The following CTNNA3 variants were observed in gnomAD, a reference collection of about 807,000 sequenced individuals.
CTNNA3 encodes the protein catenin alpha 3, also known as catenin alpha-3.
A neutral mutation model predicts 95.7 loss-of-function variants in CTNNA3; 76 were observed. That is an observed-to-expected ratio of 0.79 (90% confidence interval 0.66 to 0.96). The LOEUF is 0.96. Among genes scored for constraint, CTNNA3 ranks in the 40% least tolerant of loss-of-function variants. The pLI is 0.00. For missense variants in CTNNA3, 1,191 were observed against 1,089.8 expected (o/e 1.09, Z -1.31); for synonymous variants, 431 against 374.4 (o/e 1.15, Z -1.74).
chr10:67,210,363 T>C (rs1185699078), intron 6 of CTNNA3, among the ~76,000 whole-genome samples: 2 of 152,070 alleles, frequency 1.3e-5, no homozygotes, highest in African/African-American at 4.8e-5. Flanking sequence ...GTAGTCTTAA[T>C]TGCTAAAAAG....
At chr10:66,556,920 A>G (rs1373460418) in intron 10 of CTNNA3, among the ~76,000 whole-genome samples, 1 of 152,132 alleles carries the variant, frequency 6.6e-6, no homozygotes, top group Admixed American at 6.5e-5. Context: ...AGATCTGTTA[A>G]TTCACTTGAC....
chr10:66,420,931 G>T (rs1216573031), intron 11 of CTNNA3, among the ~76,000 whole-genome samples: 1 of 152,120 alleles, frequency 6.6e-6, no homozygotes, highest in Non-Finnish European at 1.5e-5. Context: ...CAAAGGAAAA[G>T]AAATCGGTAT....
chr10:67,577,035 G>T (rs1297521881), intron 3 of CTNNA3, among the ~76,000 whole-genome samples: 1 of 150,394 alleles, frequency 6.6e-6, no homozygotes, highest in East Asian at 2.0e-4. Flanking sequence ...TGTCTTTATA[G>T]CAGCATGATT....
intron 16 of CTNNA3, among the ~76,000 whole-genome samples, chr10:65,977,689 C>T (rs1057435695): frequency 1.3e-5 from 2 of 151,664 alleles, no homozygotes; most frequent in African/African-American, 4.8e-5. Flanking sequence ...GGCTGAGACA[C>T]GAGAATCGCT....
chr10:66,720,017 A>G (rs188047250), intron 9 of CTNNA3, among the ~76,000 whole-genome samples: 1 of 151,722 alleles, frequency 6.6e-6, no homozygotes, highest in East Asian at 2.1e-4. Context: ...GCAGTTCCTA[A>G]CTTACATGTA....
rs150437944 is a variant in CTNNA3, at chr10:66,517,772, C to A, written c.1531+2845G>T. ...TTTTTCTTGCACAAGATCCAAGAAC[C>A]CTCTCTTGGGGTCTAGAATGGGACC... On this transcript the variant is annotated intron_variant, in intron 11 of 17. Coordinates refer to ENST00000433211, the MANE Select transcript of CTNNA3 (RefSeq NM_013266.4). 1.1e-3 allele frequency among the ~76,000 whole-genome samples: 167 copies of A among 152,150 alleles called. 1 individual carries two copies. The highest frequency in any genetic ancestry group is 3.9e-3 in the African/African-American group (163 of 41,502).
chr10:65,972,734 C>T (rs1227647251), intron 16 of CTNNA3, among the ~76,000 whole-genome samples: 3 of 152,018 alleles, frequency 2.0e-5, no homozygotes, highest in African/African-American at 7.2e-5. Context: ...ATTTCATCAA[C>T]TGGAAGAATG....
At chr10:66,766,077 A>C in intron 9 of CTNNA3, 187 bp downstream of exon 9, 2 of 466,556 alleles carry the variant, frequency 4.3e-6, no homozygotes, top group South Asian at 1.2e-4. Flanking sequence ...TGTTTAAAAA[A>C]TAAGACAAGC....
In CTNNA3 at chr10:66,618,281, G is replaced by A. The variant is rs1208018570; in HGVS notation, c.1374+3411C>T. 4.6e-5 allele frequency among the ~76,000 whole-genome samples: 7 copies of A among 151,920 alleles called. No homozygotes were observed. The South Asian group carries it at 1.0e-3, about 23-fold the overall frequency. On this transcript the variant is annotated intron_variant, in intron 10 of 17. Transcript: ENST00000433211. Reference sequence around the variant, plus strand: ...AATCCTAAGCCAAAAGAACAAAGCTGGAGGCATCACGCTACCTGACTTCAA... The same window carrying A: ...AATCCTAAGCCAAAAGAACAAAGCTAGAGGCATCACGCTACCTGACTTCAA...
At chr10:67,711,830 G>A (rs1255695522) in intron 1 of CTNNA3, among the ~76,000 whole-genome samples, 55 of 148,190 alleles carry the variant, frequency 3.7e-4, no homozygotes, top group African/African-American at 1.2e-3. Context: ...GAGAATATGC[G>A]GTGTTTGGTT....
chr10:67,734,636 A>G (rs1841292569), intron 1 of CTNNA3, among the ~76,000 whole-genome samples: 2 of 152,196 alleles, frequency 1.3e-5, no homozygotes, highest in South Asian at 4.1e-4. Context: ...GCTCTAGAGA[A>G]GCAGATACTA....
In CTNNA3 at chr10:66,315,761, C is replaced by T. The variant is rs542454993; in HGVS notation, c.1733-35140G>A. On this transcript the variant is annotated intron_variant, in intron 12 of 17. Coordinates refer to ENST00000433211, the MANE Select transcript of CTNNA3 (RefSeq NM_013266.4). ...AAATTATTCTGTAATATTTCATCCT[C>T]AAAACAAAGGTAACAAGTTTATTCT... Among the ~76,000 whole-genome samples the T allele has an allele frequency of 6.6e-5, 10 of 152,098 alleles. No individual in the cohort carries two copies. The East Asian group carries it at 1.2e-3, about 18-fold the overall frequency.
chr10:67,365,939 C>T (rs1041490990), intron 5 of CTNNA3, among the ~76,000 whole-genome samples: 7 of 152,124 alleles, frequency 4.6e-5, no homozygotes, highest in South Asian at 2.1e-4. Context: ...ATGTTTATTG[C>T]GGCACTATTC....
intron 5 of CTNNA3, among the ~76,000 whole-genome samples, chr10:67,268,937 A>T (rs529712124): frequency 3.3e-5 from 5 of 152,252 alleles, no homozygotes; most frequent in Admixed American, 2.6e-4. Context: ...AGATGGTTAA[A>T]GGAAAATCCT....
intron 17 of CTNNA3, among the ~76,000 whole-genome samples, chr10:65,954,709 G>T (rs1034095654): frequency 6.6e-6 from 1 of 152,052 alleles, no homozygotes; most frequent in Non-Finnish European, 1.5e-5. Flanking sequence ...ATGTGTGGTA[G>T]TATTTCTGAG....
intron 11 of CTNNA3, among the ~76,000 whole-genome samples, chr10:66,517,887 G>A (rs1001444778): frequency 1.3e-5 from 2 of 152,050 alleles, no homozygotes; most frequent in Admixed American, 1.3e-4. Flanking sequence ...AATAATGTGC[G>A]TTTTCTGTAC....
chr10:66,576,938 T>C (rs1295760544), intron 10 of CTNNA3, among the ~76,000 whole-genome samples: 1 of 151,172 alleles, frequency 6.6e-6, no homozygotes. Context: ...AACTAACTTA[T>C]ATTCCTACCA....
chr10:67,398,170 G>A (rs943316239), intron 5 of CTNNA3, among the ~76,000 whole-genome samples: 2 of 152,224 alleles, frequency 1.3e-5, no homozygotes, highest in African/African-American at 2.4e-5. Flanking sequence ...TGGAAAAGCA[G>A]CAGACACTCA....
At chr10:66,777,216 C>T (rs531460501) in intron 7 of CTNNA3, among the ~76,000 whole-genome samples, 1 of 152,164 alleles carries the variant, frequency 6.6e-6, no homozygotes, top group Admixed American at 6.5e-5. Context: ...TTCGTGGACC[C>T]AGGTCTGCTA....
Sources: allele counts gnomAD v4.1 joint callset (sites outside exome capture counted in the v4.1 genomes callset), GRCh38; gene constraint gnomAD v4.1.1; transcripts MANE v1.5; gene names NCBI Gene and HGNC (gene_info 2026-07-23, HGNC 2026-07-21).